NCAM2: variants seen among roughly 807,000 people sequenced by gnomAD.
The protein encoded by NCAM2 is N-CAM-2.
Under a neutral mutation model 98.1 loss-of-function variants are expected in NCAM2, and 30 were observed. The observed-to-expected ratio is 0.31, with a 90% CI of 0.23 to 0.41. NCAM2 has a LOEUF of 0.41. Among genes scored for constraint, NCAM2 ranks in the 10% least tolerant of loss-of-function variants. The pLI, the probability that NCAM2 is intolerant of heterozygous loss-of-function variation, is 1.00. For synonymous variants in NCAM2, 368 were observed against 342.4 expected (o/e 1.07, Z -0.83); for missense variants, 867 against 1,005.8 (o/e 0.86, Z 1.87).
At chr21:21,523,490 C>T (rs1027322506) in intron 16 of NCAM2, among the ~76,000 whole-genome samples, 1 of 151,190 alleles carries the variant, frequency 6.6e-6, no homozygotes, top group Non-Finnish European at 1.5e-5. Flanking sequence ...GGAAATGCAT[C>T]AGAGAAAGAC....
intron 1 of NCAM2, among the ~76,000 whole-genome samples, chr21:21,167,074 G>A (rs1490320707): frequency 6.6e-6 from 1 of 152,004 alleles, no homozygotes; most frequent in East Asian, 1.9e-4. Context: ...TTTCTTTTAT[G>A]TGATTAACCT....
chr21:21,062,281 AAG>A (rs1239608379), intron 1 of NCAM2, among the ~76,000 whole-genome samples: 3 of 152,212 alleles, frequency 2.0e-5, no homozygotes, highest in African/African-American at 7.2e-5. Context: ...AAATATCTCA[AAG>A]TATTTTGTAG....
At chr21:21,248,112 C>G (rs1359805439) in intron 1 of NCAM2, among the ~76,000 whole-genome samples, 1 of 40,318 alleles carries the variant, frequency 2.5e-5, no homozygotes, top group Non-Finnish European at 6.4e-5. Flanking sequence ...TAAGTAAACT[C>G]TACATGTATA....
At chr21:21,216,708 G>A (rs2069916384) in intron 1 of NCAM2, among the ~76,000 whole-genome samples, 1 of 152,118 alleles carries the variant, frequency 6.6e-6, no homozygotes, top group African/African-American at 2.4e-5. Flanking sequence ...GTGAATAAGG[G>A]GGATTTAAGG....
intron 12 of NCAM2, among the ~76,000 whole-genome samples, chr21:21,441,803 G>C (rs781239283): frequency 6.6e-6 from 1 of 152,130 alleles, no homozygotes; most frequent in Non-Finnish European, 1.5e-5. Context: ...GAGTGGGCTT[G>C]TTTGATTAAG....
At chr21:21,203,993 A>G (rs1459361105) in intron 1 of NCAM2, among the ~76,000 whole-genome samples, 1 of 152,126 alleles carries the variant, frequency 6.6e-6, no homozygotes, top group Non-Finnish European at 1.5e-5. Context: ...AATCACTTTG[A>G]TAATGTGGCA....
At chr21:21,270,678 G>A (rs2147424611) in intron 1 of NCAM2, among the ~76,000 whole-genome samples, 1 of 152,218 alleles carries the variant, frequency 6.6e-6, no homozygotes, top group Admixed American at 6.5e-5. Context: ...CAAAACAAAA[G>A]CATATTCAAA....
chr21:21,274,464 G>A (rs1400021052), intron 1 of NCAM2, among the ~76,000 whole-genome samples: 2 of 152,060 alleles, frequency 1.3e-5, no homozygotes, highest in Non-Finnish European at 2.9e-5. Flanking sequence ...GAATATTGTA[G>A]CATTTTTCAG....
At chr21:21,467,053 T>A (rs1048520283) in intron 13 of NCAM2, among the ~76,000 whole-genome samples, 2 of 151,892 alleles carry the variant, frequency 1.3e-5, no homozygotes, top group African/African-American at 4.8e-5. Flanking sequence ...AGAAGAAAAA[T>A]GTCTATGTAA....
At chr21:21,169,729 A>C (rs2146835645) in intron 1 of NCAM2, among the ~76,000 whole-genome samples, 1 of 152,228 alleles carries the variant, frequency 6.6e-6, no homozygotes. Flanking sequence ...CTGGAGGATA[A>C]CTGGAGCCCA....
chr21:21,190,159 A>G (rs2068773593), intron 1 of NCAM2, among the ~76,000 whole-genome samples: 1 of 152,222 alleles, frequency 6.6e-6, no homozygotes, highest in Non-Finnish European at 1.5e-5. Flanking sequence ...GGCAATGAAA[A>G]CTGACCAGGC....
chr21:21,005,645 A>G (rs2064097265), intron 1 of NCAM2, among the ~76,000 whole-genome samples: 1 of 152,098 alleles, frequency 6.6e-6, no homozygotes. Flanking sequence ...AATGTTGTGT[A>G]GTATACTTCT....
intron 9 of NCAM2, among the ~76,000 whole-genome samples, chr21:21,391,987 C>T (rs1410286880): frequency 6.6e-6 from 1 of 152,250 alleles, no homozygotes; most frequent in Middle Eastern, 3.4e-3. Context: ...TGGTTTGTTA[C>T]ACAGGTAAAC....
chr21:21,468,845 G>C, intron 14 of NCAM2, 62 bp downstream of exon 14: 4 of 1,434,536 alleles, frequency 2.8e-6, no homozygotes, highest in South Asian at 1.3e-5. Context: ...GAGTTGCACT[G>C]AATTTATAAA....
rs546068343 is a variant in NCAM2, at chr21:21,514,001, G to C, written c.2282+4946G>C. 4.0e-5 allele frequency among the ~76,000 whole-genome samples: 6 copies of C among 151,556 alleles called. No individual in the cohort carries two copies. In the East Asian group the frequency reaches 1.2e-3, roughly 29 times the overall value. On this transcript the variant is annotated intron_variant, in intron 16 of 17. Coordinates refer to ENST00000400546, the MANE Select transcript of NCAM2 (RefSeq NM_004540.5). ...CAAGCATTTTAGTCATTTTCTATTA[G>C]GTTGCCTTTCTTTTCCTTACTGTTA... is the stretch of plus-strand genomic sequence containing the variant.
At chr21:21,123,848 C>CTTTTGTTTTTTTTTTTTT (rs2066728099) in intron 1 of NCAM2, among the ~76,000 whole-genome samples, 1 of 86,656 alleles carries the variant, frequency 1.2e-5, no homozygotes, top group Non-Finnish European at 2.0e-5. Flanking sequence ...TTCTTGATTG[C>CTTTTGTTTTTTTTTTTTT]TTTTTTTTTT....
chr21:21,086,750 A>G (rs1333806288), intron 1 of NCAM2, among the ~76,000 whole-genome samples: 3 of 152,184 alleles, frequency 2.0e-5, no homozygotes, highest in African/African-American at 7.2e-5. Flanking sequence ...ATTTAACTAG[A>G]ACGTGTGTGG....
intron 8 of NCAM2, among the ~76,000 whole-genome samples, chr21:21,363,781 T>G (rs968947501): frequency 2.0e-5 from 3 of 152,094 alleles, no homozygotes; most frequent in Non-Finnish European, 4.4e-5. Context: ...TGTTGCAGCA[T>G]TGTATATTTT....
At chr21:21,120,897 T>C (rs1018760547) in intron 1 of NCAM2, among the ~76,000 whole-genome samples, 1 of 151,926 alleles carries the variant, frequency 6.6e-6, no homozygotes, top group Non-Finnish European at 1.5e-5. Context: ...TTTTTATTTT[T>C]AGTAGAGATG....
Sources: allele counts gnomAD v4.1 joint callset (sites outside exome capture counted in the v4.1 genomes callset), GRCh38; gene constraint gnomAD v4.1.1; transcripts MANE v1.5; gene names NCBI Gene and HGNC (gene_info 2026-07-23, HGNC 2026-07-21).